The following EYS variants were observed in gnomAD, a reference collection of about 807,000 sequenced individuals.
EYS encodes EGF-like photoreceptor maintenance factor, also known as protein eyes shut homolog.
A neutral mutation model predicts 282.1 loss-of-function variants in EYS; 250 were observed. That is an observed-to-expected ratio of 0.89 (90% confidence interval 0.80 to 0.98). The LOEUF is 0.98. Among genes scored for constraint, EYS ranks in the 50% least tolerant of loss-of-function variants. EYS has a pLI of 0.00. For synonymous variants in EYS, 1,355 were observed against 1,282.9 expected, an observed-to-expected ratio of 1.06 and a Z score of -1.20; for missense variants, 4,016 against 3,709.0, an observed-to-expected ratio of 1.08 and a Z score of -2.15.
chr6:65,071,222 A>T (rs999624775), intron 12 of EYS, among the ~76,000 whole-genome samples: 1 of 151,902 alleles, frequency 6.6e-6, no homozygotes, highest in Non-Finnish European at 1.5e-5. Context: ...TAGAAAAAAA[A>T]CAAAAACTTA....
intron 18 of EYS, among the ~76,000 whole-genome samples, chr6:64,892,132 G>A (rs898998730): frequency 6.6e-6 from 1 of 151,692 alleles, no homozygotes; most frequent in Non-Finnish European, 1.5e-5. Context: ...ACTATAAAAA[G>A]ATGGAAAAAT....
intron 2 of EYS, among the ~76,000 whole-genome samples, chr6:65,503,277 TTGTCTATTC>T (rs1343783312): frequency 1.1e-4 from 16 of 151,774 alleles, no homozygotes; most frequent in Non-Finnish European, 2.4e-4. Flanking sequence ...GGGGGTTGAA[TTGTCTATTC>T]AGATCTTATG....
chr6:65,416,515 T>C (rs1255429558), intron 5 of EYS, among the ~76,000 whole-genome samples: 1 of 152,044 alleles, frequency 6.6e-6, no homozygotes, highest in Non-Finnish European at 1.5e-5. Context: ...ATTTTTATTT[T>C]AGTAGAAATC....
intron 27 of EYS, 90 bp downstream of exon 27, chr6:64,439,072 G>T: frequency 1.4e-6 from 1 of 701,944 alleles, no homozygotes; most frequent in Non-Finnish European, 2.2e-6. Context: ...ATAGAGTTAA[G>T]TTTAAATTTT....
At chr6:65,297,704 A>G (rs985537400) in intron 11 of EYS, among the ~76,000 whole-genome samples, 3 of 152,150 alleles carry the variant, frequency 2.0e-5, no homozygotes, top group Non-Finnish European at 4.4e-5. Flanking sequence ...GTTACCTACT[A>G]TATCAAACAC....
intron 22 of EYS, among the ~76,000 whole-genome samples, chr6:64,764,778 A>G (rs529299914): frequency 1.3e-5 from 2 of 152,090 alleles, no homozygotes; most frequent in Admixed American, 6.5e-5. Context: ...TGCACTTGTC[A>G]TCCTGGCTGG....
chr6:64,271,737 C>T (rs942198313), intron 30 of EYS, among the ~76,000 whole-genome samples: 10 of 151,902 alleles, frequency 6.6e-5, no homozygotes, highest in African/African-American at 2.2e-4. Flanking sequence ...AAACTAAACA[C>T]TTTATCCACC....
At chr6:65,697,993 G>A (rs565046535) in intron 1 of EYS, among the ~76,000 whole-genome samples, 1 of 152,210 alleles carries the variant, frequency 6.6e-6, no homozygotes, top group African/African-American at 2.4e-5. Context: ...GTGGCTTAAA[G>A]ACTTGCCTAG....
intron 22 of EYS, among the ~76,000 whole-genome samples, chr6:64,672,066 A>G (rs901871780): frequency 2.0e-5 from 3 of 152,194 alleles, no homozygotes; most frequent in Admixed American, 2.0e-4. Flanking sequence ...GTTTTAGATC[A>G]TACCTAGATA....
At chr6:65,634,137 A>C (rs1767010206) in intron 2 of EYS, among the ~76,000 whole-genome samples, 2 of 152,216 alleles carry the variant, frequency 1.3e-5, no homozygotes, top group South Asian at 4.1e-4. Context: ...CTGTATTGTG[A>C]ACAACACCTG....
Position 63,793,463 on chromosome 6 carries a change from T to A in EYS, c.7412-4239A>T, listed in dbSNP as rs558681771. On this transcript the variant is annotated intron_variant, in intron 37 of 42. Transcript: ENST00000503581. Reference sequence around the variant, plus strand: ...AAGATCAATTGAGTAATTTTGGTGATTTTGCATGTGCATTAAATACTTTTC... The same window carrying A: ...AAGATCAATTGAGTAATTTTGGTGAATTTGCATGTGCATTAAATACTTTTC... Among the ~76,000 whole-genome samples, 10 of 152,372 alleles carry A rather than the reference T, an allele frequency of 6.6e-5. No homozygotes were observed. The East Asian group carries it at 1.9e-3, about 29-fold the overall frequency.
intron 14 of EYS, among the ~76,000 whole-genome samples, chr6:64,954,082 C>T (rs1192480308): frequency 6.6e-6 from 1 of 151,510 alleles, no homozygotes; most frequent in African/African-American, 2.4e-5. Flanking sequence ...TATAAATTTC[C>T]ACTGGTTTTA....
chr6:64,148,474 G>C (rs2150292570), intron 31 of EYS, among the ~76,000 whole-genome samples: 1 of 152,160 alleles, frequency 6.6e-6, no homozygotes, highest in South Asian at 2.1e-4. Context: ...CCCTGATCCA[G>C]CAGCCCAGTC....
At chr6:64,294,157 A>G (rs951659291) in intron 30 of EYS, among the ~76,000 whole-genome samples, 20 of 152,168 alleles carry the variant, frequency 1.3e-4, no homozygotes, top group African/African-American at 4.8e-4. Flanking sequence ...ACCTTGGTAA[A>G]ATGATTCAAG....
chr6:64,766,649 AATATAT>A lies in EYS; in HGVS notation c.3443+46723_3443+46728del, dbSNP rs70999172. Among the ~76,000 whole-genome samples the A allele has an allele frequency of 9.4e-4, 18 of 19,062 alleles. 1 individual carries two copies. Among genetic ancestry groups the A allele is most frequent in the South Asian group, 4.4e-3 (2 of 454 alleles). The allele number at this position is 19,062 out of a possible 152,430, so 12.5% of individuals were successfully genotyped here. A position where few individuals can be genotyped will look rare whatever the true frequency, so the allele number is the denominator to read the frequency against. ...TCCGTCTCAAAAAAAAAAAAAAAAAAATATATATATATATATATATATATATATATA... is the reference window on the plus strand; with the variant it reads ...TCCGTCTCAAAAAAAAAAAAAAAAAAATATATATATATATATATATATATA... On this transcript the variant is annotated intron_variant, in intron 22 of 42. Coordinates refer to ENST00000503581, the MANE Select transcript of EYS (RefSeq NM_001142800.2).
intron 33 of EYS, among the ~76,000 whole-genome samples, chr6:64,032,471 A>C (rs115986653): frequency 0.012 from 1,799 of 152,308 alleles, 22 homozygotes; most frequent in East Asian, 0.036. Flanking sequence ...GGTTTTCTAT[A>C]CCACGTGTCT....
At chr6:64,495,121 T>C (rs887251107) in intron 26 of EYS, among the ~76,000 whole-genome samples, 1 of 151,712 alleles carries the variant, frequency 6.6e-6, no homozygotes, top group African/African-American at 2.4e-5. Flanking sequence ...ATTATTTTAA[T>C]GCTAAGATAA....
chr6:63,825,148 C>T (rs1771425507), intron 36 of EYS, among the ~76,000 whole-genome samples: 1 of 150,446 alleles, frequency 6.6e-6, no homozygotes, highest in Non-Finnish European at 1.5e-5. Context: ...ACTTCCCTGA[C>T]AACCTTCATG....
At chr6:64,013,636 G>A (rs561884754) in intron 33 of EYS, among the ~76,000 whole-genome samples, 5 of 152,184 alleles carry the variant, frequency 3.3e-5, no homozygotes, top group African/African-American at 1.2e-4. Flanking sequence ...CAGGGAAAGT[G>A]GCAAATGCTA....
Sources: allele counts gnomAD v4.1 joint callset (sites outside exome capture counted in the v4.1 genomes callset), GRCh38; gene constraint gnomAD v4.1.1; transcripts MANE v1.5; gene names NCBI Gene and HGNC (gene_info 2026-07-23, HGNC 2026-07-21).